ARMH3: variants seen among roughly 807,000 people sequenced by gnomAD.
The protein encoded by ARMH3 is armadillo-like helical domain-containing protein 3.
A neutral mutation model predicts 99.1 loss-of-function variants in ARMH3; 60 were observed. The ratio of observed to expected loss-of-function variants is 0.61; its 90% CI spans 0.49 to 0.75. The LOEUF (loss-of-function observed/expected upper bound fraction) is 0.75, where lower values mean the gene tolerates loss of function less well. ARMH3 is among the 30% of genes least tolerant of loss of function. The pLI is 0.00. For synonymous variants in ARMH3, 285 were observed against 292.8 expected, an observed-to-expected ratio of 0.97 and a Z score of 0.27; for missense variants, 679 against 843.1, an observed-to-expected ratio of 0.81 and a Z score of 2.41.
chr10:101,990,536 C>T lies in ARMH3; in HGVS notation c.1406+15G>A. ...TAGATTTGTACACATTAAATGTGTA[C>T]ATATTTGTACTTACATATAGAGATC... is the stretch of plus-strand genomic sequence containing the variant. On this transcript the variant is annotated intron_variant, in intron 19 of 25. Coordinates refer to ENST00000370033, the MANE Select transcript of ARMH3 (RefSeq NM_024541.3). The T allele has an allele frequency of 6.6e-7, 1 of 1,518,390 alleles. No individual in the cohort carries two copies. The highest frequency in any genetic ancestry group is 9.1e-7 in the Non-Finnish European group (1 of 1,095,322). 94.1% of individuals were successfully genotyped at this position (1,518,390 alleles called of 1,614,324 possible).
chr10:101,894,486 G>A (rs549314062), intron 23 of ARMH3, among the ~76,000 whole-genome samples: 6 of 152,270 alleles, frequency 3.9e-5, no homozygotes, highest in African/African-American at 9.6e-5. Flanking sequence ...GAAGTCTGAC[G>A]GCTACCAGGC....
At chr10:102,035,702 A>C (rs1201184495) in intron 2 of ARMH3, among the ~76,000 whole-genome samples, 2 of 152,242 alleles carry the variant, frequency 1.3e-5, no homozygotes, top group Non-Finnish European at 2.9e-5. Context: ...TCGTTCACTC[A>C]GCGCTCAATG....
intron 23 of ARMH3, among the ~76,000 whole-genome samples, chr10:101,904,950 C>CAAAA (rs34831483): frequency 2.2e-5 from 2 of 91,486 alleles, no homozygotes; most frequent in Non-Finnish European, 2.1e-5. Context: ...GACTCCATCT[C>CAAAA]AAAAAAAAAA....
At chr10:101,969,867 C>T (rs1345752871) in intron 20 of ARMH3, among the ~76,000 whole-genome samples, 2 of 152,140 alleles carry the variant, frequency 1.3e-5, no homozygotes, top group South Asian at 2.1e-4. Context: ...AGTCACTTAA[C>T]CCTTCTATAT....
chr10:101,995,185 T>G (rs1283834495), intron 16 of ARMH3, 112 bp downstream of exon 16: 2 of 890,002 alleles, frequency 2.2e-6, no homozygotes, highest in Non-Finnish European at 3.6e-6. Context: ...AGATTTTCTC[T>G]CCTAAACTTT....
At chr10:101,856,468 T>C (rs2066740439) in intron 24 of ARMH3, among the ~76,000 whole-genome samples, 1 of 152,120 alleles carries the variant, frequency 6.6e-6, no homozygotes, top group Admixed American at 6.5e-5. Flanking sequence ...TGAATGCTCC[T>C]ATCTCAAGGC....
intron 23 of ARMH3, among the ~76,000 whole-genome samples, chr10:101,939,054 C>T (rs1282751901): frequency 6.6e-6 from 1 of 152,102 alleles, no homozygotes; most frequent in Non-Finnish European, 1.5e-5. Flanking sequence ...AGAATCTATA[C>T]CAAGTTGTAA....
chr10:101,984,424 C>T (rs1846367846), intron 19 of ARMH3, among the ~76,000 whole-genome samples: 1 of 152,140 alleles, frequency 6.6e-6, no homozygotes, highest in African/African-American at 2.4e-5. Context: ...GGCTTTGTTG[C>T]AGCCAGCAAA....
chr10:101,952,126 A>G (rs1247799895), intron 22 of ARMH3, among the ~76,000 whole-genome samples: 1 of 152,198 alleles, frequency 6.6e-6, no homozygotes, highest in Non-Finnish European at 1.5e-5. Context: ...AAGACATGAT[A>G]AAAACAAAAA....
At chr10:102,037,974 C>T (rs1189531160) in intron 2 of ARMH3, among the ~76,000 whole-genome samples, 2 of 151,906 alleles carry the variant, frequency 1.3e-5, no homozygotes, top group Non-Finnish European at 2.9e-5. Context: ...TCTGTAATAT[C>T]ACTGTATTGT....
At chr10:102,017,007 C>T (rs1272391715) in intron 8 of ARMH3, among the ~76,000 whole-genome samples, 1 of 152,210 alleles carries the variant, frequency 6.6e-6, no homozygotes, top group Non-Finnish European at 1.5e-5. Context: ...AGTCCAACAA[C>T]TTCTTCACTT....
intron 24 of ARMH3, among the ~76,000 whole-genome samples, chr10:101,858,163 T>C (rs985951426): frequency 1.3e-5 from 2 of 152,242 alleles, no homozygotes; most frequent in Admixed American, 6.5e-5. Flanking sequence ...ACTGCAAAGA[T>C]GTTCTCTAAG....
chr10:101,855,061 C>CTTTT (rs36174325), intron 24 of ARMH3, among the ~76,000 whole-genome samples: 4 of 9,790 alleles, frequency 4.1e-4, no homozygotes, highest in African/African-American at 7.4e-4. Flanking sequence ...ACTGTCTATT[C>CTTTT]TTTTTTTTTT....
intron 20 of ARMH3, among the ~76,000 whole-genome samples, chr10:101,972,121 A>G (rs1845795617): frequency 6.6e-6 from 1 of 152,202 alleles, no homozygotes; most frequent in South Asian, 2.1e-4. Context: ...GGAAAAGCTT[A>G]TCAGGCAAGA....
At chr10:101,944,273 TAGAGAGAGAGAGAGAGAGAGAGAGAG>T (rs55633048) in intron 22 of ARMH3, among the ~76,000 whole-genome samples, 16 of 25,402 alleles carry the variant, frequency 6.3e-4, no homozygotes, top group East Asian at 4.2e-3. Flanking sequence ...TATATATATA[TAGAGAGAGAGAGAGAGAGAGAGAGAG>T]AGAGAGAGAG....
At chr10:102,017,669 A>G (rs144421385) in intron 8 of ARMH3, among the ~76,000 whole-genome samples, 7 of 152,336 alleles carry the variant, frequency 4.6e-5, no homozygotes, top group Admixed American at 1.3e-4. Flanking sequence ...TACACATGAC[A>G]GAGATCAAAA....
chr10:101,896,552 C>T (rs891881910), intron 23 of ARMH3, among the ~76,000 whole-genome samples: 13 of 152,198 alleles, frequency 8.5e-5, no homozygotes, highest in Admixed American at 7.2e-4. Flanking sequence ...GAACTGTACA[C>T]TTTAAGTGGA....
At chr10:101,879,377 T>G (rs1421129901) in intron 24 of ARMH3, among the ~76,000 whole-genome samples, 1 of 151,932 alleles carries the variant, frequency 6.6e-6, no homozygotes, top group African/African-American at 2.4e-5. Context: ...TTTTTTAAGT[T>G]TCACTCTTGT....
At chr10:102,016,291 G>A (rs1431973302) in intron 8 of ARMH3, among the ~76,000 whole-genome samples, 1 of 152,122 alleles carries the variant, frequency 6.6e-6, no homozygotes, top group Non-Finnish European at 1.5e-5. Context: ...TGTCATGTTG[G>A]TATTCAAAAA....
Sources: allele counts gnomAD v4.1 joint callset (sites outside exome capture counted in the v4.1 genomes callset), GRCh38; gene constraint gnomAD v4.1.1; transcripts MANE v1.5; gene names NCBI Gene and HGNC (gene_info 2026-07-23, HGNC 2026-07-21).